The following TRIM63 variants were observed in gnomAD, a reference collection of about 807,000 sequenced individuals.
The protein encoded by TRIM63 is E3 ubiquitin-protein ligase TRIM63.
A neutral mutation model predicts 46.0 loss-of-function variants in TRIM63; 48 were observed. The ratio of observed to expected loss-of-function variants is 1.04; its 90% confidence interval spans 0.83 to 1.33. The LOEUF is 1.33. TRIM63 is among the 40% of genes most tolerant of loss of function. The pLI is 0.00. For synonymous variants in TRIM63, 175 were observed against 162.8 expected (o/e 1.08, Z -0.57); for missense variants, 455 against 441.2 (o/e 1.03, Z -0.28).
intron 4 of TRIM63, 151 bp from the exon 5 acceptor site, chr1:26,058,774 CAAG>C: frequency 4.5e-6 from 3 of 666,314 alleles, no homozygotes; most frequent in Middle Eastern, 5.7e-4. Context: ...AAAGACTTAA[CAAG>C]AAGAAAACAC....
intron 7 of TRIM63, 134 bp from the exon 8 acceptor site, chr1:26,054,098 G>T: frequency 1.7e-6 from 1 of 595,946 alleles, no homozygotes; most frequent in Non-Finnish European, 2.8e-6. Context: ...CACAGCGGCG[G>T]CAGTGGTCTG....
At chr1:26,055,407 T>C (rs1354335521) in intron 7 of TRIM63, among the ~76,000 whole-genome samples, 1 of 152,248 alleles carries the variant, frequency 6.6e-6, no homozygotes. Flanking sequence ...CTCCTCATTT[T>C]ACTTGTGGAG....
At chr1:26,057,731 T>C (rs1373854975) in intron 5 of TRIM63, 81 bp from the exon 6 acceptor site, 20 of 1,440,412 alleles carry the variant, frequency 1.4e-5, no homozygotes, top group Admixed American at 4.4e-5. Context: ...GAACTAGGTG[T>C]TGTAGGTAGA....
intron 6 of TRIM63, 140 bp downstream of exon 6, chr1:26,057,488 A>G: frequency 7.2e-7 from 1 of 1,389,558 alleles, no homozygotes; most frequent in Non-Finnish European, 9.8e-7. Flanking sequence ...TGGTCCAAAA[A>G]GTCAGGGATG....
chr1:26,057,699 G>A (rs752699034), intron 5 of TRIM63, 49 bp from the exon 6 acceptor site: 39 of 1,571,292 alleles, frequency 2.5e-5, no homozygotes, highest in South Asian at 1.4e-4. Context: ...AGAGGTAACC[G>A]CAGGAAATCA....
chr1:26,051,838 C>T lies in TRIM63; in HGVS notation c.*35G>A, dbSNP rs200874849. 62 of 1,190,874 alleles carry T rather than the reference C, an allele frequency of 5.2e-5. No individual in the cohort carries two copies. In the African/African-American group the frequency reaches 8.1e-4, roughly 16 times the overall value. 73.8% of individuals were successfully genotyped at this position (1,190,874 alleles called of 1,614,324 possible). Reference sequence around the variant, plus strand: ...GGCCCCTCCCCACCCTCTCCAGTCTCTCTGCATCTGGGGGCCTCTCATTCA... The same window carrying T: ...GGCCCCTCCCCACCCTCTCCAGTCTTTCTGCATCTGGGGGCCTCTCATTCA... On this transcript the variant is annotated 3_prime_UTR_variant, in exon 9 of 9. Transcript: ENST00000374272.
At chr1:26,058,353 G>T in intron 5 of TRIM63, 37 bp downstream of exon 5, 1 of 1,582,180 alleles carries the variant, frequency 6.3e-7, no homozygotes, top group South Asian at 1.1e-5. Context: ...CTGTAGAGTT[G>T]AACTGACCCC....
Position 26,067,559 on chromosome 1 carries a change from T to A in TRIM63, c.-65A>T, listed in dbSNP as rs778314216. The A allele has an allele frequency of 6.4e-6, 10 of 1,551,574 alleles. No homozygotes were observed. The highest frequency in any genetic ancestry group is 4.7e-5 in the South Asian group (4 of 84,826). ...CTACTAACTTTGCTCTAAGTAGACC[T>A]GGGGGTCTTGCCTTTGTCACAAAAC... On this transcript the variant is annotated 5_prime_UTR_variant, in exon 1 of 9. Transcript: ENST00000374272.
chr1:26,056,538 A>G (rs1264774644), intron 7 of TRIM63, among the ~76,000 whole-genome samples: 3 of 152,178 alleles, frequency 2.0e-5, no homozygotes, highest in South Asian at 4.1e-4. Context: ...TTAAATTAGA[A>G]AATAAAACTC....
rs1019526227 is a variant in TRIM63, at chr1:26,057,740, G to A, written c.832-90C>T. The A allele has an allele frequency of 7.3e-5, 101 of 1,379,908 alleles. No individual in the cohort carries two copies. In the Middle Eastern group the frequency reaches 1.8e-3, roughly 25 times the overall value. 85.5% of individuals were successfully genotyped at this position (1,379,908 alleles called of 1,614,324 possible). On this transcript the variant is annotated intron_variant, in intron 5 of 8. Coordinates refer to ENST00000374272, the MANE Select transcript of TRIM63 (RefSeq NM_032588.4). ...ACTAGTGAACTAGGTGTTGTAGGTA[G>A]ATATTTGGTGCCATTCCCTAGCCCA... is the stretch of plus-strand genomic sequence containing the variant.
chr1:26,058,290 T>A, intron 5 of TRIM63, 100 bp downstream of exon 5: 2 of 1,069,172 alleles, frequency 1.9e-6, no homozygotes, highest in Non-Finnish European at 1.4e-6. Context: ...TTTAAATGGC[T>A]TTTCCAAGGG....
chr1:26,057,298 A>C lies in TRIM63; in HGVS notation c.884T>G (p.Leu295Arg). 6.2e-7 allele frequency: 1 copy of C among 1,614,178 alleles called. No homozygotes were observed. The highest frequency in any genetic ancestry group is 8.5e-7 in the Non-Finnish European group (1 of 1,180,036). Residue 295 changes from leucine to arginine, a missense_variant, in exon 7 of 9, where the codon CTG becomes CGG. Transcript: ENST00000374272. ...SIVEASKGCQ[L>R]GKTEQGFENM... is the part of the protein sequence containing the mutation. Reference sequence around the variant, plus strand: ...CTCAAAGCCCTGCTCTGTCTTCCCCAGCTGGCAGCCCTTGGAAGCTTCCAC... The same window carrying C: ...CTCAAAGCCCTGCTCTGTCTTCCCCCGCTGGCAGCCCTTGGAAGCTTCCAC...
At position 26,057,328 on chromosome 1, in the gene TRIM63, C is replaced by T. The variant is rs1198785486; in HGVS notation, c.855-1G>A. 1.9e-6 allele frequency: 3 copies of T among 1,613,886 alleles called. No homozygotes were observed. The highest frequency in any genetic ancestry group is 2.5e-6 in the Non-Finnish European group (3 of 1,179,988). On this transcript the variant is annotated splice_acceptor_variant, in intron 6 of 8. Coordinates refer to ENST00000374272, the MANE Select transcript of TRIM63 (RefSeq NM_032588.4). LOFTEE classifies it high-confidence loss of function. ...GCAGCCCTTGGAAGCTTCCACAATG[C>T]TGCAGGGGAGACAGAAAGAGAGGCA...
In TRIM63 at chr1:26,066,769, T is replaced by C. The variant is rs921872579; in HGVS notation, c.160-329A>G. On this transcript the variant is annotated intron_variant, in intron 1 of 8. Transcript: ENST00000374272. Reference sequence around the variant, plus strand: ...AATGAGAGCAAGCTCCTAAGGCTGCTACTTTAAAGATAATATCGTGAAAGA... The same window carrying C: ...AATGAGAGCAAGCTCCTAAGGCTGCCACTTTAAAGATAATATCGTGAAAGA... Among the ~76,000 whole-genome samples, 25 of 152,320 alleles carry C rather than the reference T, an allele frequency of 1.6e-4. No individual in the cohort carries two copies. The East Asian group carries it at 4.4e-3, about 27-fold the overall frequency.
At chr1:26,052,005 C>A in intron 8 of TRIM63, 122 bp from the exon 9 acceptor site, 1 of 814,518 alleles carries the variant, frequency 1.2e-6, no homozygotes, top group Non-Finnish European at 1.7e-6. Context: ...TCCAATTCCT[C>A]CCGGTCTCTT....
intron 1 of TRIM63, among the ~76,000 whole-genome samples, chr1:26,066,707 T>C (rs912921943): frequency 7.2e-5 from 11 of 152,204 alleles, no homozygotes; most frequent in Non-Finnish European, 1.3e-4. Flanking sequence ...CTTATCTGTG[T>C]AGGCCTCAGT....
chr1:26,053,318 T>A (rs534953170), intron 8 of TRIM63, among the ~76,000 whole-genome samples: 47 of 152,266 alleles, frequency 3.1e-4, no homozygotes, highest in African/African-American at 1.1e-3. Context: ...AGTGGCACGA[T>A]CTCGGCTCAC....
At chr1:26,057,960 C>A (rs1468852199) in intron 5 of TRIM63, among the ~76,000 whole-genome samples, 2 of 152,272 alleles carry the variant, frequency 1.3e-5, no homozygotes, top group East Asian at 3.9e-4. Flanking sequence ...TAATGTCTAG[C>A]AAAAAGCCTG....
In TRIM63 at chr1:26,066,275, A is replaced by G; in HGVS notation, c.325T>C (p.Cys109Arg). The stretch of plus-strand genomic sequence containing the variant: ...GCAGGCACGAGAACCGACCTGGAGC[A>G]CTCCTGTTTGTAGATGTCGATGATG... ...ENIIDIYKQECSSRPLQKGSH... is the reference protein window; with the variant it reads ...ENIIDIYKQERSSRPLQKGSH... The change falls in exon 2 of 9, where the codon TGC becomes CGC. Residue 109 changes from cysteine (C) to arginine (R), a missense_variant. By Grantham distance (180) the Cys-to-Arg change is radical. Coordinates refer to ENST00000374272, the MANE Select transcript of TRIM63 (RefSeq NM_032588.4). 2 of 1,613,576 alleles carry G rather than the reference A, an allele frequency of 1.2e-6. No homozygotes were observed. Among genetic ancestry groups the G allele is most frequent in the Non-Finnish European group, 8.5e-7 (1 of 1,179,902 alleles).
Sources: allele counts gnomAD v4.1 joint callset (sites outside exome capture counted in the v4.1 genomes callset), GRCh38; gene constraint gnomAD v4.1.1; transcripts MANE v1.5; gene names NCBI Gene and HGNC (gene_info 2026-07-23, HGNC 2026-07-21).